The following NDUFS6 variants were observed in gnomAD, a reference collection of about 807,000 sequenced individuals.
The protein encoded by NDUFS6 is NADH:ubiquinone oxidoreductase subunit S6, also known as NADH dehydrogenase [ubiquinone] iron-sulfur protein 6, mitochondrial.
Under a neutral mutation model 13.2 loss-of-function variants are expected in NDUFS6, and 14 were observed. That is an observed-to-expected ratio of 1.06 (90% CI 0.70 to 1.66). The LOEUF (loss-of-function observed/expected upper bound fraction) is 1.66. NDUFS6 is among the 40% of genes most tolerant of loss of function. The probability of loss-of-function intolerance (pLI) is 0.00; values close to 1 mark genes in which losing one functional copy is unlikely to be tolerated. For synonymous variants in NDUFS6, 95 were observed against 72.3 expected, an observed-to-expected ratio of 1.31 and a Z score of -1.60; for missense variants, 206 against 170.8, an observed-to-expected ratio of 1.21 and a Z score of -1.15.
intron 2 of NDUFS6, among the ~76,000 whole-genome samples, chr5:1,809,077 A>C (rs1561105590): frequency 1.3e-5 from 2 of 152,218 alleles, no homozygotes; most frequent in Non-Finnish European, 2.9e-5. Flanking sequence ...GTTTGACACA[A>C]TAGGACTTTG....
At chr5:1,810,748 G>A (rs1424683588) in intron 2 of NDUFS6, among the ~76,000 whole-genome samples, 2 of 151,334 alleles carry the variant, frequency 1.3e-5, no homozygotes, top group African/African-American at 4.9e-5. Flanking sequence ...TGGCCAGTCC[G>A]GCTCAGCTCT....
intron 2 of NDUFS6, among the ~76,000 whole-genome samples, chr5:1,810,320 C>T (rs775429422): frequency 4.6e-5 from 7 of 152,208 alleles, no homozygotes; most frequent in Non-Finnish European, 8.8e-5. Flanking sequence ...GACCCACATC[C>T]CTGGGCTTAG....
chr5:1,803,640 G>A (rs1432907599), intron 2 of NDUFS6, among the ~76,000 whole-genome samples: 3 of 152,214 alleles, frequency 2.0e-5, no homozygotes, highest in East Asian at 3.8e-4. Context: ...GGTGTATAGG[G>A]TAAGTGCTCT....
intron 2 of NDUFS6, among the ~76,000 whole-genome samples, chr5:1,806,941 C>T (rs1335634588): frequency 1.3e-5 from 2 of 152,126 alleles, no homozygotes; most frequent in Non-Finnish European, 2.9e-5. Flanking sequence ...TGTGATCTGT[C>T]CATGGACAGT....
chr5:1,802,069 C>G (rs952253643), intron 1 of NDUFS6: 5 of 509,758 alleles, frequency 9.8e-6, no homozygotes, highest in South Asian at 2.3e-5. Context: ...CAGGATTTGT[C>G]TCTCCTCCTT....
At chr5:1,812,007 C>T (rs893973081) in intron 2 of NDUFS6, among the ~76,000 whole-genome samples, 5 of 152,182 alleles carry the variant, frequency 3.3e-5, no homozygotes, top group Admixed American at 2.6e-4. Flanking sequence ...CCTATATTTA[C>T]CAGTCTTTAA....
chr5:1,802,184 A>G, intron 1 of NDUFS6, 137 bp from the exon 2 acceptor site: 2 of 768,576 alleles, frequency 2.6e-6, no homozygotes, highest in Non-Finnish European at 4.4e-6. Context: ...TACACCGAGT[A>G]CTGTGCACTT....
At chr5:1,802,692 CT>C (rs1734067549) in intron 2 of NDUFS6, among the ~76,000 whole-genome samples, 2 of 152,232 alleles carry the variant, frequency 1.3e-5, no homozygotes, top group Non-Finnish European at 2.9e-5. Context: ...AAAAATTATT[CT>C]TTTAACCACC....
chr5:1,802,816 G>T (rs948523549), intron 2 of NDUFS6, among the ~76,000 whole-genome samples: 1 of 152,168 alleles, frequency 6.6e-6, no homozygotes, highest in Non-Finnish European at 1.5e-5. Flanking sequence ...TAGTGGGTCT[G>T]TTAGCTCTAT....
chr5:1,801,885 T>A (rs1315228882), intron 1 of NDUFS6, among the ~76,000 whole-genome samples: 1 of 152,234 alleles, frequency 6.6e-6, no homozygotes, highest in African/African-American at 2.4e-5. Flanking sequence ...TATTCAATAA[T>A]AAATTTTAGT....
intron 2 of NDUFS6, among the ~76,000 whole-genome samples, chr5:1,810,900 A>G (rs1477168398): frequency 1.3e-5 from 2 of 152,188 alleles, no homozygotes; most frequent in Admixed American, 6.5e-5. Flanking sequence ...TGACCCTTGA[A>G]CAACATAGGT....
At chr5:1,805,466 C>T (rs546621172) in intron 2 of NDUFS6, among the ~76,000 whole-genome samples, 1 of 152,318 alleles carries the variant, frequency 6.6e-6, no homozygotes, top group African/African-American at 2.4e-5. Flanking sequence ...CAGCTTTGAC[C>T]GGGGGTACCT....
chr5:1,814,316 G>C lies in NDUFS6; in HGVS notation c.187-23G>C, dbSNP rs576697542. ...TTAGCAAGTTTGTGTATTTGTTTAC[G>C]TAAGTCTTTCTTCTTGTTCCAGGTG... is the stretch of plus-strand genomic sequence containing the variant. On this transcript the variant is annotated intron_variant, in intron 2 of 3. Transcript: ENST00000274137. This position sits in a 1 kb window ranked among gnomAD's most constrained non-coding sequence, Gnocchi z 4.9. The C allele has an allele frequency of 1.9e-6, 3 of 1,614,188 alleles. No individual in the cohort carries two copies. The South Asian group carries it at 3.3e-5, about 18-fold the overall frequency.
chr5:1,810,143 T>C (rs1734196394), intron 2 of NDUFS6, among the ~76,000 whole-genome samples: 1 of 152,220 alleles, frequency 6.6e-6, no homozygotes, highest in Non-Finnish European at 1.5e-5. Context: ...ATGAGTGACT[T>C]TGTGATGAGC....
chr5:1,808,807 A>G (rs1286340288), intron 2 of NDUFS6, among the ~76,000 whole-genome samples: 2 of 152,260 alleles, frequency 1.3e-5, no homozygotes, highest in African/African-American at 4.8e-5. Context: ...GTGATTTAAG[A>G]ATTATATACT....
rs200109710 is a variant in NDUFS6 at position 1,815,878 on chromosome 5, G to A, written c.337G>A (p.Gly113Ser). ...LDKETKTGTC[G>S]YCGLQFRQHH... ...CAAAGAAACAAAAACCGGCACATGC[G>A]GTTACTGTGGGCTCCAGTTCAGACA... Residue 113 changes from glycine to serine, a missense_variant, in exon 4 of 4, where the codon GGT becomes AGT. Transcript: ENST00000274137. 1.7e-5 allele frequency: 27 copies of A among 1,614,224 alleles called. No homozygotes were observed. In the African/African-American group the frequency reaches 3.1e-4, roughly 18 times the overall value.
At position 1,801,486 on chromosome 5, in the gene NDUFS6, G is replaced by A. The variant is rs1045779988; in HGVS notation, c.69G>A (p.Leu23=). Residue 23 remains leucine, a synonymous_variant, in exon 1 of 4, where the codon CTG becomes CTA. Transcript: ENST00000274137. ...RCGEAARSLP[L]GARCFGVRVS... is the part of the protein sequence containing the mutation. Reference sequence around the variant, plus strand: ...GCGAGGCGGCGCGGAGCCTGCCCCTGGGCGCCAGGTGTTTCGGGGTGCGGG... The same window carrying A: ...GCGAGGCGGCGCGGAGCCTGCCCCTAGGCGCCAGGTGTTTCGGGGTGCGGG... 8.7e-6 allele frequency: 14 copies of A among 1,602,998 alleles called. 1 individual carries two copies. The East Asian group carries it at 1.6e-4, about 18-fold the overall frequency.
chr5:1,806,808 C>T (rs1484802267), intron 2 of NDUFS6, among the ~76,000 whole-genome samples: 3 of 152,276 alleles, frequency 2.0e-5, no homozygotes, highest in South Asian at 2.1e-4. Flanking sequence ...CACTTCTGAG[C>T]GTGTGCCCAA....
intron 1 of NDUFS6, 87 bp from the exon 2 acceptor site, chr5:1,802,234 A>T: frequency 7.8e-7 from 1 of 1,289,796 alleles, no homozygotes; most frequent in Non-Finnish European, 1.1e-6. Flanking sequence ...TAAGAAAAAC[A>T]CTTTCCTGTA....
Sources: allele counts gnomAD v4.1 joint callset (sites outside exome capture counted in the v4.1 genomes callset), GRCh38; gene constraint gnomAD v4.1.1; non-coding constraint Gnocchi (gnomAD v3.1); transcripts MANE v1.5; gene names NCBI Gene and HGNC (gene_info 2026-07-23, HGNC 2026-07-21).